The following RRP1 variants were observed in gnomAD, a reference collection of about 807,000 sequenced individuals.
RRP1 encodes ribosomal RNA processing 1.
A neutral mutation model predicts 54.6 loss-of-function variants in RRP1; 37 were observed. That is an observed-to-expected ratio of 0.68 (90% CI 0.52 to 0.89). The LOEUF is 0.89. Among genes scored for constraint, RRP1 ranks in the 40% least tolerant of loss-of-function variants. RRP1 has a pLI of 0.00. For missense variants in RRP1, 639 were observed against 612.5 expected (o/e 1.04, Z -0.46); for synonymous variants, 262 against 244.3 (o/e 1.07, Z -0.67).
intron 2 of RRP1, 133 bp downstream of exon 2, chr21:43,791,565 C>CA: frequency 1.3e-6 from 1 of 763,004 alleles, no homozygotes; most frequent in South Asian, 1.7e-5. Flanking sequence ...TGCAGTGGCT[C>CA]AATCTCGGCT....
At position 43,789,651 on chromosome 21, in the gene RRP1, C is replaced by A. The variant is rs2123403381; in HGVS notation, c.22C>A (p.Pro8Thr). The stretch of plus-strand genomic sequence containing the variant: ...CGTCATGGTTTCGCGCGTGCAGCTC[C>A]CGCCTGAGATCCAGCTGGCTCAGCG... MVSRVQL[P>T]PEIQLAQRLA... The change falls in exon 1 of 13, where the codon CCG (proline) becomes ACG (threonine). Residue 8 changes from proline to threonine, a missense_variant. Pro to Thr is a conservative substitution (Grantham distance 38, BLOSUM62 -1). Coordinates refer to ENST00000497547, the MANE Select transcript of RRP1 (RefSeq NM_003683.6). 1.3e-6 allele frequency: 2 copies of A among 1,583,404 alleles called. No homozygotes were observed. Among genetic ancestry groups the A allele is most frequent in the East Asian group, 2.4e-5 (1 of 42,390 alleles).
chr21:43,794,819 C>T (rs912120102), intron 4 of RRP1, among the ~76,000 whole-genome samples: 5 of 152,210 alleles, frequency 3.3e-5, no homozygotes, highest in Admixed American at 1.3e-4. Flanking sequence ...CTCCACCGCC[C>T]GTGGGGGTAG....
At position 43,792,728 on chromosome 21, in the gene RRP1, G is replaced by T; in HGVS notation, c.273G>T (p.Ala91=). The T allele has an allele frequency of 6.2e-7, 1 of 1,614,058 alleles. No individual in the cohort carries two copies. The highest frequency in any genetic ancestry group is 1.1e-5 in the South Asian group (1 of 91,078). Residue 91 remains alanine, a splice_region_variant and synonymous_variant, in exon 3 of 13, where the codon GCG becomes GCT. Transcript: ENST00000497547. The part of the protein sequence containing the change: ...QLVHAFQTTE[A]QHLFLQAFWQ... Reference sequence around the variant, plus strand: ...TTCATGCTTTTCAGACCACGGAGGCGCGTGAGTATGCTCTGCTGTAGTTGG... The same window carrying T: ...TTCATGCTTTTCAGACCACGGAGGCTCGTGAGTATGCTCTGCTGTAGTTGG...
Position 43,803,546 on chromosome 21 carries a change from G to A in RRP1, c.1158G>A (p.Met386Ile), listed in dbSNP as rs1424642773. The change falls in exon 13 of 13, where the codon ATG becomes ATA. Residue 386 changes from methionine to isoleucine, a missense_variant. Transcript: ENST00000497547. ...KGEKEPPSPG[M>I]ERKRSRRRGV... is the part of the protein sequence containing the mutation. ...AGAAGGAGCCCCCGAGCCCGGGCAT[G>A]GAGAGGAAGAGGAGCAGGAGGAGGG... 5 of 1,557,804 alleles carry A rather than the reference G, an allele frequency of 3.2e-6. No homozygotes were observed. Among genetic ancestry groups the A allele is most frequent in the Non-Finnish European group, 1.7e-6 (2 of 1,150,602 alleles).
chr21:43,800,033 C>T lies in RRP1; in HGVS notation c.891+384C>T, dbSNP rs542446494. Among the ~76,000 whole-genome samples, 3 of 152,342 alleles carry T rather than the reference C, an allele frequency of 2.0e-5. No homozygotes were observed. The South Asian group carries it at 6.2e-4, about 32-fold the overall frequency. On this transcript the variant is annotated intron_variant, in intron 9 of 12. Transcript: ENST00000497547. ...GAGATGGCATGTGCCAAGCGGCTGG[C>T]CTGTGGGTCCCAGCGAGGAATCCAC... is the stretch of plus-strand genomic sequence containing the variant.
At position 43,797,522 on chromosome 21, in the gene RRP1, G is replaced by A; in HGVS notation, c.523G>A (p.Glu175Lys). ...GAGCCACTTCATCGAGATCTTCCTG[G>A]AGGAGCTGACCAAAGTGGGCGCCGA... ...VKSHFIEIFL[E>K]ELTKVGAEEL... The change falls in exon 6 of 13, where the codon GAG becomes AAG. Residue 175 changes from glutamate (E) to lysine (K), a missense_variant. By Grantham distance (56) the Glu-to-Lys change is moderately conservative (BLOSUM62 1). Coordinates refer to ENST00000497547, the MANE Select transcript of RRP1 (RefSeq NM_003683.6). 6.2e-7 allele frequency: 1 copy of A among 1,614,042 alleles called. No homozygotes were observed. Among genetic ancestry groups the A allele is most frequent in the Non-Finnish European group, 8.5e-7 (1 of 1,179,964 alleles).
chr21:43,800,437 T>C, intron 9 of RRP1, 80 bp from the exon 10 acceptor site: 1 of 1,340,576 alleles, frequency 7.5e-7, no homozygotes, highest in Non-Finnish European at 1.1e-6. Context: ...AAGTGCTATC[T>C]GGGTCTCAGG....
At position 43,803,539 on chromosome 21, in the gene RRP1, C is replaced by CTT; in HGVS notation, c.1151_1152insTT (p.Gly385TrpfsTer13). The stretch of plus-strand genomic sequence containing the variant: ...AAAGGTGAGAAGGAGCCCCCGAGCC[C>CTT]GGGCATGGAGAGGAAGAGGAGCAGG... On this transcript the variant is annotated frameshift_variant, in exon 13 of 13. Coordinates refer to ENST00000497547, the MANE Select transcript of RRP1 (RefSeq NM_003683.6). LOFTEE classifies it low-confidence loss of function (END_TRUNC). The CTT allele has an allele frequency of 1.3e-6, 2 of 1,557,098 alleles. No individual in the cohort carries two copies. The highest frequency in any genetic ancestry group is 2.7e-5 in the African/African-American group (2 of 73,726).
chr21:43,793,108 C>A, intron 3 of RRP1: 1 of 575,908 alleles, frequency 1.7e-6, no homozygotes. Context: ...AGTTCTTACC[C>A]TGCCTGTCTG....
At position 43,795,371 on chromosome 21, in the gene RRP1, G is replaced by A. The variant is rs540357842; in HGVS notation, c.422+121G>A. The A allele has an allele frequency of 1.8e-3, 1,628 of 898,764 alleles. 9 individuals carry two copies. Among genetic ancestry groups the A allele is most frequent in the Middle Eastern group, 2.0e-3 (9 of 4,558 alleles). 55.7% of individuals were successfully genotyped at this position (898,764 alleles called of 1,614,324 possible). A position where few individuals can be genotyped will look rare whatever the true frequency, so the allele number is the denominator to read the frequency against. ...TTTATATTAACGCATGCCCCCAATC[G>A]TGCTTAGAGAGAAGATAGTTTTTAA... On this transcript the variant is annotated intron_variant, in intron 5 of 12. Transcript: ENST00000497547.
At chr21:43,801,434 G>A (rs745770998) in intron 11 of RRP1, among the ~76,000 whole-genome samples, 3 of 152,182 alleles carry the variant, frequency 2.0e-5, no homozygotes, top group East Asian at 1.9e-4. Flanking sequence ...CCCTGCATCC[G>A]CCAGCGGGCG....
At chr21:43,793,125 T>A (rs1569013349) in intron 3 of RRP1, 194 bp from the exon 4 acceptor site, 2 of 590,528 alleles carry the variant, frequency 3.4e-6, no homozygotes, top group Non-Finnish European at 6.0e-6. Flanking sequence ...TCTGTAGGAC[T>A]CACTTGAGGA....
At chr21:43,802,103 C>T (rs1206360485) in intron 11 of RRP1, 171 bp from the exon 12 acceptor site, 6 of 588,252 alleles carry the variant, frequency 1.0e-5, no homozygotes, top group South Asian at 2.0e-5. Context: ...TCAGCTGGTT[C>T]GTTTCAGCTG....
intron 4 of RRP1, among the ~76,000 whole-genome samples, chr21:43,794,137 C>T (rs916073500): frequency 7.9e-5 from 12 of 152,204 alleles, no homozygotes; most frequent in Non-Finnish European, 1.5e-4. Context: ...CAGTGTCCAG[C>T]TCAGATTCGG....
Position 43,802,288 on chromosome 21 carries a change from G to A in RRP1, c.1024G>A (p.Asp342Asn), listed in dbSNP as rs1288980387. ...QDLAGGIFPE[D>N]EIPEKACRRL... ...CTGGTTCTCAGGCATTTTCCCTGAA[G>A]ATGAGATCCCAGAGAAGGCCTGCAG... Residue 342 changes from aspartate to asparagine, a missense_variant, in exon 12 of 13, where the codon GAT becomes AAT. Transcript: ENST00000497547. The A allele has an allele frequency of 6.2e-6, 10 of 1,613,748 alleles. No individual in the cohort carries two copies. Among genetic ancestry groups the A allele is most frequent in the Non-Finnish European group, 4.2e-6 (5 of 1,179,880 alleles).
At chr21:43,795,095 CTT>C (rs1313530501) in intron 4 of RRP1, 92 bp from the exon 5 acceptor site, 8 of 1,239,840 alleles carry the variant, frequency 6.5e-6, no homozygotes, top group South Asian at 1.2e-5. Context: ...ACGGCCATGA[CTT>C]TATCCTGCAG....
intron 12 of RRP1, 128 bp downstream of exon 12, chr21:43,802,515 C>A: frequency 1.4e-6 from 1 of 723,020 alleles, no homozygotes; most frequent in Non-Finnish European, 2.5e-6. Flanking sequence ...TGGGTGCCTG[C>A]TATCCACGCA....
rs780757767 is a variant in RRP1 at position 43,803,730 on chromosome 21, G to A, written c.1342G>A (p.Ala448Thr). 1 of 1,571,408 alleles carries A rather than the reference G, an allele frequency of 6.4e-7. No individual in the cohort carries two copies. Among genetic ancestry groups the A allele is most frequent in the Non-Finnish European group, 8.6e-7 (1 of 1,157,690 alleles). Residue 448 changes from alanine to threonine, a missense_variant, in exon 13 of 13, where the codon GCC becomes ACC. Physicochemically the swap from Ala to Thr is moderately conservative, Grantham distance 58. Coordinates refer to ENST00000497547, the MANE Select transcript of RRP1 (RefSeq NM_003683.6). ...RPLTSARAKAANVQEPEKKKK... is the reference protein window; with the variant it reads ...RPLTSARAKATNVQEPEKKKK... ...CCTGACCAGTGCCCGAGCAAAGGCG[G>A]CCAATGTCCAGGAGCCGGAGAAGAA...
At chr21:43,798,235 C>A in intron 8 of RRP1, 135 bp downstream of exon 8, 1 of 738,438 alleles carries the variant, frequency 1.4e-6, no homozygotes, top group Non-Finnish European at 2.1e-6. Context: ...CCATCCTCAG[C>A]ATAGAAGCCA....
Sources: gnomAD v4.1 joint callset for allele counts (sites outside exome capture counted in the v4.1 genomes callset) on GRCh38, gnomAD v4.1.1 for gene constraint, MANE v1.5 for transcripts, NCBI Gene and HGNC (gene_info 2026-07-23, HGNC 2026-07-21) for gene names.